MAP4K3: variants seen among roughly 807,000 people sequenced by gnomAD.
The protein encoded by MAP4K3 is mitogen-activated protein kinase kinase kinase kinase 3.
A neutral mutation model predicts 143.5 loss-of-function variants in MAP4K3; 94 were observed. The observed-to-expected ratio is 0.65, with a 90% CI of 0.55 to 0.78. MAP4K3 has a LOEUF of 0.78. Among genes scored for constraint, MAP4K3 ranks in the 30% least tolerant of loss-of-function variants. MAP4K3 has a pLI of 0.00. For synonymous variants in MAP4K3, 416 were observed against 347.2 expected, an observed-to-expected ratio of 1.20 and a Z score of -2.20; for missense variants, 1,077 against 1,068.1, an observed-to-expected ratio of 1.01 and a Z score of -0.12.
intron 1 of MAP4K3, among the ~76,000 whole-genome samples, chr2:39,415,976 A>ATAT (rs1667360364): frequency 4.7e-5 from 1 of 21,292 alleles, no homozygotes; most frequent in Non-Finnish European, 1.3e-4. Flanking sequence ...AAAAAAAAAA[A>ATAT]AAAAATATAT....
At chr2:39,308,355 G>A (rs545982723) in intron 14 of MAP4K3, among the ~76,000 whole-genome samples, 3 of 152,112 alleles carry the variant, frequency 2.0e-5, no homozygotes, top group South Asian at 2.1e-4. Flanking sequence ...TCAGGCTTTG[G>A]TATTACAATA....
chr2:39,312,048 T>C (rs913747448), intron 13 of MAP4K3, among the ~76,000 whole-genome samples: 1 of 152,192 alleles, frequency 6.6e-6, no homozygotes, highest in African/African-American at 2.4e-5. Context: ...AATAATATTG[T>C]CTTATAAGAT....
chr2:39,399,918 A>G (rs1424051725), intron 1 of MAP4K3, among the ~76,000 whole-genome samples: 1 of 152,190 alleles, frequency 6.6e-6, no homozygotes, highest in Non-Finnish European at 1.5e-5. Flanking sequence ...TAAAAAGAGG[A>G]TATTTTATAT....
chr2:39,427,054 A>G (rs1257540727), intron 1 of MAP4K3, among the ~76,000 whole-genome samples: 1 of 152,120 alleles, frequency 6.6e-6, no homozygotes, highest in Non-Finnish European at 1.5e-5. Flanking sequence ...AAAGAAAAAA[A>G]TCTTAAAAGT....
chr2:39,361,452 AAAAT>A (rs1223414069), intron 2 of MAP4K3, among the ~76,000 whole-genome samples: 1 of 151,990 alleles, frequency 6.6e-6, no homozygotes, highest in Non-Finnish European at 1.5e-5. Context: ...AAAAGAAAAA[AAAAT>A]AAGGCGGTAT....
At chr2:39,316,096 T>G (rs887587432) in intron 12 of MAP4K3, among the ~76,000 whole-genome samples, 9 of 152,134 alleles carry the variant, frequency 5.9e-5, no homozygotes, top group African/African-American at 2.2e-4. Context: ...TCAGTTTCTC[T>G]TGGTTATAGA....
At chr2:39,399,324 G>C (rs1386319797) in intron 1 of MAP4K3, among the ~76,000 whole-genome samples, 1 of 152,206 alleles carries the variant, frequency 6.6e-6, no homozygotes, top group Non-Finnish European at 1.5e-5. Context: ...TTTAATAACA[G>C]CCAGTTCAGT....
chr2:39,386,326 T>C (rs1445389592), intron 1 of MAP4K3, among the ~76,000 whole-genome samples: 1 of 152,228 alleles, frequency 6.6e-6, no homozygotes, highest in Non-Finnish European at 1.5e-5. Context: ...AATAAATTTC[T>C]ACTGTTGAAG....
intron 1 of MAP4K3, among the ~76,000 whole-genome samples, chr2:39,425,823 AAAAT>A (rs1401405144): frequency 6.6e-6 from 1 of 152,252 alleles, no homozygotes; most frequent in South Asian, 2.1e-4. Flanking sequence ...CATGAGCCAA[AAAAT>A]AAATAAACAA....
intron 1 of MAP4K3, among the ~76,000 whole-genome samples, chr2:39,415,714 G>T (rs1399352060): frequency 6.6e-6 from 1 of 151,464 alleles, no homozygotes; most frequent in Non-Finnish European, 1.5e-5. Context: ...CACTTTGGAA[G>T]GCCGAGGTGG....
At chr2:39,386,026 A>G (rs972290218) in intron 1 of MAP4K3, among the ~76,000 whole-genome samples, 4 of 152,244 alleles carry the variant, frequency 2.6e-5, no homozygotes, top group Admixed American at 6.5e-5. Flanking sequence ...TACCAAATTC[A>G]TATGTTGAAG....
Position 39,251,878 on chromosome 2 carries a change from T to C in MAP4K3, c.2549A>G (p.Gln850Arg), listed in dbSNP as rs1680166297. The change falls in exon 33 of 34, where the codon CAA (glutamine) becomes CGA (arginine). Residue 850 changes from glutamine to arginine, a missense_variant. Around this residue, in one of 2 missense-constraint regions of MAP4K3, gnomAD observed 864 missense variants for 801.2 expected, o/e 1.08. Coordinates refer to ENST00000263881, the MANE Select transcript of MAP4K3 (RefSeq NM_003618.4). The part of the protein sequence containing the change: ...GRSFRSNEVT[Q>R]EISDSTRIFR... ...AATTCTTGTGCTATCTGAAATTTCTTGTGTTACCTGTTCAATTAAAACACA... is the reference window on the plus strand; with the variant it reads ...AATTCTTGTGCTATCTGAAATTTCTCGTGTTACCTGTTCAATTAAAACACA... 1.9e-6 allele frequency: 3 copies of C among 1,612,884 alleles called. No individual in the cohort carries two copies. The highest frequency in any genetic ancestry group is 1.7e-6 in the Non-Finnish European group (2 of 1,179,234).
intron 22 of MAP4K3, among the ~76,000 whole-genome samples, chr2:39,281,447 C>T (rs1301004850): frequency 1.3e-5 from 2 of 152,176 alleles, no homozygotes; most frequent in Non-Finnish European, 2.9e-5. Flanking sequence ...AGAAACATGT[C>T]TTTAGGATGT....
At chr2:39,342,254 G>A (rs1012527624) in intron 4 of MAP4K3, among the ~76,000 whole-genome samples, 2 of 151,790 alleles carry the variant, frequency 1.3e-5, no homozygotes, top group Non-Finnish European at 2.9e-5. Flanking sequence ...TTCTCCCGCC[G>A]CAGCCTTTGG....
chr2:39,310,637 T>C lies in MAP4K3; in HGVS notation c.998-1118A>G, dbSNP rs185349983. On this transcript the variant is annotated intron_variant, in intron 13 of 33. Transcript: ENST00000263881. ...AGTTCTGAATCATATGGTAGTTCTA[T>C]TTTTAGTTCTTGAGGAACCTCCATA... Among the ~76,000 whole-genome samples the C allele has an allele frequency of 2.4e-3, 362 of 152,318 alleles. 1 individual carries two copies. The highest frequency in any genetic ancestry group is 8.4e-3 in the African/African-American group (350 of 41,570).
chr2:39,326,555 G>A (rs1683495849), intron 8 of MAP4K3, among the ~76,000 whole-genome samples: 2 of 152,118 alleles, frequency 1.3e-5, no homozygotes, highest in Non-Finnish European at 2.9e-5. Context: ...GGACTTCTGG[G>A]TTAATGCTGG....
At chr2:39,282,596 T>C in intron 21 of MAP4K3, 42 bp from the exon 22 acceptor site, 1 of 1,341,848 alleles carries the variant, frequency 7.5e-7, no homozygotes, top group South Asian at 1.2e-5. Context: ...TTTTTGCTGC[T>C]GTTTGATATA....
chr2:39,421,838 C>G (rs528722120), intron 1 of MAP4K3, among the ~76,000 whole-genome samples: 1 of 152,158 alleles, frequency 6.6e-6, no homozygotes, highest in Non-Finnish European at 1.5e-5. Context: ...ACTACAGTGC[C>G]CTTCCACTTT....
chr2:39,323,701 A>G (rs992919977), intron 12 of MAP4K3: 2 of 152,164 alleles, frequency 1.3e-5, no homozygotes, highest in Non-Finnish European at 2.9e-5. Flanking sequence ...TAGAAAAGAT[A>G]CTTGCTCTGT....
Sources: gnomAD v4.1 joint callset for allele counts (sites outside exome capture counted in the v4.1 genomes callset) on GRCh38, gnomAD v4.1.1 for gene constraint, gnomAD v4.1.1 regional missense constraint, MANE v1.5 for transcripts, NCBI Gene and HGNC (gene_info 2026-07-23, HGNC 2026-07-21) for gene names.